Variants in CCSER1 observed in about 807,000 individuals in gnomAD.
The protein encoded by CCSER1 is coiled-coil serine rich protein 1.
In CCSER1, 41 loss-of-function variants were observed where a neutral mutation model predicts 82.0. The observed-to-expected ratio is 0.50, with a 90% CI of 0.39 to 0.65. CCSER1 has a LOEUF of 0.65. Among genes scored for constraint, CCSER1 ranks in the 30% least tolerant of loss-of-function variants. The pLI is 0.00. For synonymous variants in CCSER1, 414 were observed against 383.9 expected (o/e 1.08, Z -0.92); for missense variants, 1,119 against 1,064.2 (o/e 1.05, Z -0.72).
Position 90,200,061 on chromosome 4 carries a change from G to GACACACACAC in CCSER1, c.-42+72253_-42+72262dup, listed in dbSNP as rs71596519. ...CCACTCCCTGACATGCGTGCACGCA[G>GACACACACAC]ACACACACACACACACACACACACA... On this transcript the variant is annotated intron_variant, in intron 1 of 10. Transcript: ENST00000509176. Among the ~76,000 whole-genome samples the GACACACACAC allele has an allele frequency of 7.4e-3, 1,070 of 144,944 alleles. 15 individuals carry two copies. The highest frequency in any genetic ancestry group is 0.021 in the African/African-American group (824 of 39,212).
At chr4:90,834,552 T>C (rs1418139828) in intron 8 of CCSER1, among the ~76,000 whole-genome samples, 1 of 152,184 alleles carries the variant, frequency 6.6e-6, no homozygotes, top group Admixed American at 6.5e-5. Flanking sequence ...AATTAAGAAC[T>C]GTGTCTATAT....
At chr4:91,257,533 A>G (rs533531562) in intron 10 of CCSER1, among the ~76,000 whole-genome samples, 4 of 134,442 alleles carry the variant, frequency 3.0e-5, no homozygotes, top group Non-Finnish European at 6.3e-5. Context: ...ACATATCCTA[A>G]TGTAAAATGG....
At chr4:91,426,745 T>A (rs1578423890) in intron 10 of CCSER1, among the ~76,000 whole-genome samples, 1 of 152,294 alleles carries the variant, frequency 6.6e-6, no homozygotes. Flanking sequence ...TGTATGTAAA[T>A]TTTGGATACT....
At chr4:90,557,459 T>C (rs1778274406) in intron 5 of CCSER1, among the ~76,000 whole-genome samples, 1 of 152,090 alleles carries the variant, frequency 6.6e-6, no homozygotes, top group African/African-American at 2.4e-5. Flanking sequence ...TTATTTTTGT[T>C]AGCTGTTTAG....
At chr4:90,525,876 G>T (rs945524075) in intron 5 of CCSER1, among the ~76,000 whole-genome samples, 1 of 152,098 alleles carries the variant, frequency 6.6e-6, no homozygotes, top group South Asian at 2.1e-4. Context: ...CAAGGCACAA[G>T]TGATCCTCCC....
At chr4:91,579,850 C>A (rs1404864275) in intron 10 of CCSER1, among the ~76,000 whole-genome samples, 1 of 151,708 alleles carries the variant, frequency 6.6e-6, no homozygotes, top group Non-Finnish European at 1.5e-5. Context: ...AATTATAACA[C>A]AAAATAACAA....
chr4:90,770,163 A>G (rs1751856383), intron 7 of CCSER1, among the ~76,000 whole-genome samples: 1 of 152,110 alleles, frequency 6.6e-6, no homozygotes, highest in African/African-American at 2.4e-5. Flanking sequence ...GTTCCAGTGG[A>G]TCTGTAGCTG....
intron 3 of CCSER1, among the ~76,000 whole-genome samples, chr4:90,386,607 T>C (rs1042125131): frequency 1.4e-4 from 22 of 152,174 alleles, no homozygotes; most frequent in Admixed American, 1.2e-3. Flanking sequence ...CAATGATTTA[T>C]GACTAAAACC....
intron 10 of CCSER1, among the ~76,000 whole-genome samples, chr4:91,095,201 G>A (rs904498367): frequency 3.3e-5 from 5 of 152,104 alleles, no homozygotes; most frequent in East Asian, 1.9e-4. Context: ...GTAGCCCTTC[G>A]AACAGATTGA....
chr4:90,755,968 G>A (rs182196249), intron 7 of CCSER1, among the ~76,000 whole-genome samples: 1 of 152,160 alleles, frequency 6.6e-6, no homozygotes, highest in Admixed American at 6.6e-5. Flanking sequence ...GCTCAGGCCT[G>A]TAATCCCAGC....
rs189236296 is a variant in CCSER1 at position 91,328,989 on chromosome 4, C to G, written c.2217+242995C>G. On this transcript the variant is annotated intron_variant, in intron 10 of 10. Transcript: ENST00000509176. ...CCGCCATGTAAGATGTGACTTTGCT[C>G]CTCATTTGCCTTCTGACGTGATTGT... Among the ~76,000 whole-genome samples the G allele has an allele frequency of 4.3e-3, 655 of 152,100 alleles. 4 individuals carry two copies. The highest frequency in any genetic ancestry group is 5.7e-3 in the Non-Finnish European group (386 of 68,002).
Position 91,428,493 on chromosome 4 carries a change from T to G in CCSER1, c.2218-170079T>G, listed in dbSNP as rs1323437185. On this transcript the variant is annotated intron_variant, in intron 10 of 10. Coordinates refer to ENST00000509176, the MANE Select transcript of CCSER1 (RefSeq NM_001145065.2). ...AATTACTAATTAGAATGTTAGAGTT[T>G]AAAATAAGACTATGATCTTCAGAGA... 2.6e-5 allele frequency among the ~76,000 whole-genome samples: 4 copies of G among 152,158 alleles called. No individual in the cohort carries two copies. In the South Asian group the frequency reaches 8.3e-4, roughly 32 times the overall value.
intron 10 of CCSER1, among the ~76,000 whole-genome samples, chr4:91,349,825 G>A (rs1748355456): frequency 7.2e-6 from 1 of 139,060 alleles, no homozygotes; most frequent in African/African-American, 3.4e-5. Flanking sequence ...TTTCCACACT[G>A]TGCCTTCAGC....
chr4:91,184,472 A>T (rs950860626), intron 10 of CCSER1, among the ~76,000 whole-genome samples: 20 of 152,242 alleles, frequency 1.3e-4, no homozygotes, highest in African/African-American at 4.6e-4. Flanking sequence ...TGTATAACTG[A>T]ATTGATAGCT....
chr4:90,651,921 C>T (rs1560886972), intron 6 of CCSER1, among the ~76,000 whole-genome samples: 2 of 152,088 alleles, frequency 1.3e-5, no homozygotes, highest in Non-Finnish European at 1.5e-5. Context: ...GTCCATTAAA[C>T]TTGGGGGATG....
intron 10 of CCSER1, among the ~76,000 whole-genome samples, chr4:91,198,361 A>C (rs1735621711): frequency 2.3e-4 from 4 of 17,648 alleles, no homozygotes; most frequent in Non-Finnish European, 3.6e-4. Context: ...TGTTTCAATA[A>C]AAAAAAAGTA....
intron 5 of CCSER1, among the ~76,000 whole-genome samples, chr4:90,475,889 C>T (rs921434932): frequency 9.9e-5 from 15 of 152,250 alleles, no homozygotes; most frequent in South Asian, 2.1e-4. Flanking sequence ...TACCACTACC[C>T]GCTACCTTTC....
intron 10 of CCSER1, among the ~76,000 whole-genome samples, chr4:91,596,038 G>A (rs1458842348): frequency 1.3e-5 from 2 of 149,466 alleles, no homozygotes; most frequent in Non-Finnish European, 3.0e-5. Flanking sequence ...ATTTAAATGT[G>A]TATTTTCCTT....
chr4:90,256,846 TGAGA>T (rs1723386716), intron 1 of CCSER1, among the ~76,000 whole-genome samples: 1 of 152,114 alleles, frequency 6.6e-6, no homozygotes, highest in Non-Finnish European at 1.5e-5. Flanking sequence ...TAAGACATTT[TGAGA>T]GAGAGAAAGA....
Sources: allele counts gnomAD v4.1 joint callset (sites outside exome capture counted in the v4.1 genomes callset), GRCh38; gene constraint gnomAD v4.1.1; transcripts MANE v1.5; gene names NCBI Gene and HGNC (gene_info 2026-07-23, HGNC 2026-07-21).